The following TRPC7 variants were observed in gnomAD, a reference collection of about 807,000 sequenced individuals.
The protein encoded by TRPC7 is short transient receptor potential channel 7.
In TRPC7, 42 loss-of-function variants were observed where a neutral mutation model predicts 90.1. The ratio of observed to expected loss-of-function variants is 0.47; its 90% CI spans 0.36 to 0.60. The LOEUF (loss-of-function observed/expected upper bound fraction) is 0.60, where lower values mean the gene tolerates loss of function less well. TRPC7 is among the 20% of genes least tolerant of loss of function. The probability of loss-of-function intolerance (pLI) is 0.00; values close to 1 mark genes in which losing one functional copy is unlikely to be tolerated. For missense variants in TRPC7, 955 were observed against 1,112.3 expected (o/e 0.86, Z 2.01); for synonymous variants, 451 against 436.3 (o/e 1.03, Z -0.42).
At chr5:136,233,768 G>A (rs1193931195) in intron 7 of TRPC7, among the ~76,000 whole-genome samples, 4 of 152,212 alleles carry the variant, frequency 2.6e-5, no homozygotes, top group African/African-American at 9.7e-5. Context: ...TGACACAAAT[G>A]AAGTGAGCGA....
At position 136,357,270 on chromosome 5, in the gene TRPC7, G is replaced by T; in HGVS notation, c.118C>A (p.Leu40Met). 1 of 1,613,374 alleles carries T rather than the reference G, an allele frequency of 6.2e-7. No individual in the cohort carries two copies. The highest frequency in any genetic ancestry group is 8.5e-7 in the Non-Finnish European group (1 of 1,179,918). The change falls in exon 2 of 12, where the codon CTG becomes ATG. Residue 40 changes from leucine to methionine, a missense_variant. Transcript: ENST00000513104. The part of the protein sequence containing the change: ...AYMFNEKGTS[L>M]TPEEERFLDS... ...AGGAAGCGCTCCTCCTCGGGCGTCA[G>T]ACTGGTGCCCTTCTCGTTGAACATG...
intron 3 of TRPC7, among the ~76,000 whole-genome samples, chr5:136,286,034 G>A (rs7735549): frequency 0.12 from 18,362 of 152,188 alleles, 1,156 homozygotes; most frequent in African/African-American, 0.14. Context: ...TAAGATCAAG[G>A]ACTTTTTATT....
rs571685498 is a variant in TRPC7, at chr5:136,294,017, C to A, written c.964-19180G>T. 3.8e-3 allele frequency among the ~76,000 whole-genome samples: 581 copies of A among 152,116 alleles called. 3 individuals are homozygous for A. The highest frequency in any genetic ancestry group is 4.1e-3 in the Non-Finnish European group (279 of 68,006). On this transcript the variant is annotated intron_variant, in intron 3 of 11. Transcript: ENST00000513104. ...CTACAACTATCTGATCTTTGACAAA[C>A]CTGAGAAAAACAAGCAATGAGGAAA...
At chr5:136,340,252 A>T (rs1759803359) in intron 2 of TRPC7, among the ~76,000 whole-genome samples, 1 of 152,178 alleles carries the variant, frequency 6.6e-6, no homozygotes, top group South Asian at 2.1e-4. Flanking sequence ...TTTATATGGG[A>T]TCTAAAATAG....
chr5:136,291,813 C>G (rs1187185792), intron 3 of TRPC7, among the ~76,000 whole-genome samples: 2 of 152,322 alleles, frequency 1.3e-5, no homozygotes, highest in East Asian at 1.9e-4. Flanking sequence ...CTACAGAACT[C>G]TCCACCCCAA....
At chr5:136,287,722 AAAAAAAAC>A (rs1757775155) in intron 3 of TRPC7, among the ~76,000 whole-genome samples, 15 of 115,956 alleles carry the variant, frequency 1.3e-4, no homozygotes, top group South Asian at 2.4e-4. Flanking sequence ...AAAAAAAAAA[AAAAAAAAC>A]CCAGAAAAAA....
intron 10 of TRPC7, among the ~76,000 whole-genome samples, chr5:136,220,071 C>T (rs1248403655): frequency 6.6e-6 from 1 of 152,320 alleles, no homozygotes; most frequent in East Asian, 1.9e-4. Context: ...TTATTTTAAT[C>T]TCTTAATCCT....
At chr5:136,309,393 C>T (rs866791803) in intron 3 of TRPC7, among the ~76,000 whole-genome samples, 1 of 152,214 alleles carries the variant, frequency 6.6e-6, no homozygotes, top group Non-Finnish European at 1.5e-5. Flanking sequence ...TAATTTTTCC[C>T]ATTTTTTTAC....
intron 11 of TRPC7, among the ~76,000 whole-genome samples, chr5:136,215,215 C>T (rs1420536328): frequency 6.6e-6 from 1 of 152,234 alleles, no homozygotes; most frequent in African/African-American, 2.4e-5. Flanking sequence ...AGACCCTAAA[C>T]GCAGTGTGCA....
intron 3 of TRPC7, among the ~76,000 whole-genome samples, chr5:136,298,915 C>T (rs1476328429): frequency 6.6e-6 from 1 of 152,136 alleles, no homozygotes; most frequent in Non-Finnish European, 1.5e-5. Context: ...GATTATTAGA[C>T]TATGAGCTTC....
intron 2 of TRPC7, among the ~76,000 whole-genome samples, chr5:136,356,035 T>C (rs966167283): frequency 3.3e-5 from 5 of 152,230 alleles, no homozygotes; most frequent in African/African-American, 1.2e-4. Flanking sequence ...TGACACACTC[T>C]ACAGAGACAG....
chr5:136,293,820 C>T (rs1012374959), intron 3 of TRPC7, among the ~76,000 whole-genome samples: 10 of 152,178 alleles, frequency 6.6e-5, no homozygotes, highest in Admixed American at 6.5e-4. Flanking sequence ...CAAAAAAGAG[C>T]CCGCATTGCC....
intron 2 of TRPC7, among the ~76,000 whole-genome samples, chr5:136,321,432 A>C (rs147934553): frequency 6.6e-6 from 1 of 152,306 alleles, no homozygotes; most frequent in East Asian, 1.9e-4. Context: ...AAAATTGATA[A>C]GTGGAGAAAG....
intron 2 of TRPC7, among the ~76,000 whole-genome samples, chr5:136,355,304 A>G (rs898189841): frequency 3.0e-4 from 46 of 152,224 alleles, no homozygotes; most frequent in Non-Finnish European, 2.9e-5. Context: ...TGAAGTGGCC[A>G]AGAGTTGACT....
At chr5:136,227,709 A>T (rs777625473) in intron 8 of TRPC7, among the ~76,000 whole-genome samples, 1 of 152,230 alleles carries the variant, frequency 6.6e-6, no homozygotes, top group Non-Finnish European at 1.5e-5. Flanking sequence ...TGCAAAGCAC[A>T]TGGGTTCTGC....
At chr5:136,241,451 C>T (rs1290470805) in intron 7 of TRPC7, among the ~76,000 whole-genome samples, 2 of 152,256 alleles carry the variant, frequency 1.3e-5, no homozygotes, top group Non-Finnish European at 2.9e-5. Context: ...GAACACCCTT[C>T]ACTTCCTACT....
Position 136,365,419 on chromosome 5 carries a change from C to T in TRPC7, c.-165G>A, listed in dbSNP as rs957775351. ...GTTAAGTTGCAACGATGTGAAAGCG[C>T]GCTCCTCTGTTCTTTGTGTTGCAGT... On this transcript the variant is annotated 5_prime_UTR_variant, in exon 1 of 12. Transcript: ENST00000513104. 4 of 703,924 alleles carry T rather than the reference C, an allele frequency of 5.7e-6. No homozygotes were observed. Among genetic ancestry groups the T allele is most frequent in the African/African-American group, 5.3e-5 (3 of 56,482 alleles). The allele number at this position is 703,924 out of a possible 1,614,324, so 43.6% of individuals were successfully genotyped here.
rs138628350 is a variant in TRPC7, at chr5:136,349,204, T to C, written c.780+7404A>G. On this transcript the variant is annotated intron_variant, in intron 2 of 11. Coordinates refer to ENST00000513104, the MANE Select transcript of TRPC7 (RefSeq NM_020389.3). Reference sequence around the variant, plus strand: ...CTCCACAGTAATATGTTAGCAGCACTCTAAGCTTATTCAGTTTTAGTGTTC... The same window carrying C: ...CTCCACAGTAATATGTTAGCAGCACCCTAAGCTTATTCAGTTTTAGTGTTC... Among the ~76,000 whole-genome samples the C allele has an allele frequency of 2.6e-5, 4 of 152,354 alleles. No homozygotes were observed. The East Asian group carries it at 7.7e-4, about 29-fold the overall frequency.
chr5:136,302,812 T>C (rs1561709850), intron 3 of TRPC7, among the ~76,000 whole-genome samples: 1 of 152,126 alleles, frequency 6.6e-6, no homozygotes, highest in Non-Finnish European at 1.5e-5. Context: ...CGTCCAGGCA[T>C]TCTTTTACAC....
Sources: allele counts gnomAD v4.1 joint callset (sites outside exome capture counted in the v4.1 genomes callset), GRCh38; gene constraint gnomAD v4.1.1; transcripts MANE v1.5; gene names NCBI Gene and HGNC (gene_info 2026-07-23, HGNC 2026-07-21).